The following CCDC33 variants were observed in gnomAD, a reference collection of about 807,000 sequenced individuals.
CCDC33 encodes the protein coiled-coil domain containing 33.
Under a neutral mutation model 91.9 loss-of-function variants are expected in CCDC33, and 94 were observed. The observed-to-expected ratio is 1.02, with a 90% CI of 0.87 to 1.21. The LOEUF (loss-of-function observed/expected upper bound fraction) is 1.21, where lower values mean the gene tolerates loss of function less well. Ranked by LOEUF, CCDC33 falls within the 50% of genes most tolerant of loss-of-function variation. The pLI is 0.00. For synonymous variants in CCDC33, 396 were observed against 374.5 expected (o/e 1.06, Z -0.66); for missense variants, 940 against 935.5 (o/e 1.00, Z -0.06).
rs751774872 is a variant in CCDC33 at position 74,335,048 on chromosome 15, G to T, written c.2099G>T (p.Gly700Val). The T allele has an allele frequency of 6.2e-7, 1 of 1,614,128 alleles. No individual in the cohort carries two copies. The highest frequency in any genetic ancestry group is 8.5e-7 in the Non-Finnish European group (1 of 1,180,012). Residue 700 changes from glycine (G) to valine (V), a missense_variant, in exon 18 of 19, where the codon GGT becomes GTT. Physicochemically the swap from Gly to Val is moderately radical, Grantham distance 109 (BLOSUM62 -3). Transcript: ENST00000398814. ...LATRLQEQEK[G>V]FRHPSNSIII... The stretch of plus-strand genomic sequence containing the variant: ...ACACGGCTGCAGGAGCAAGAAAAAG[G>T]TTTCAGGCACCCCTCGAACTCCATC...
chr15:74,215,587 A>G (rs1383787964), upstream of CCDC33, among the ~76,000 whole-genome samples: 1 of 152,166 alleles, frequency 6.6e-6, no homozygotes, highest in Non-Finnish European at 1.5e-5. Flanking sequence ...AAAAAAAAGT[A>G]CCTTCCCCAG....
At chr15:74,213,419 C>T (rs1160335501), upstream of CCDC33, 2 of 152,200 alleles carry the variant, frequency 1.3e-5, no homozygotes, top group Admixed American at 6.5e-5. Flanking sequence ...CCTTTTTGTC[C>T]AGTCATATCG....
rs201411382 is a variant in CCDC33, at chr15:74,332,733, T to A, written c.1826T>A (p.Leu609Gln). 1 of 1,614,230 alleles carries A rather than the reference T, an allele frequency of 6.2e-7. No individual in the cohort carries two copies. Among genetic ancestry groups the A allele is most frequent in the East Asian group, 2.2e-5 (1 of 44,886 alleles). ...CCCTTGGGTTCTATGGGAGAGAACCTGCCGGTTGAACTTTACTCGGTGCTG... is the reference window on the plus strand; with the variant it reads ...CCCTTGGGTTCTATGGGAGAGAACCAGCCGGTTGAACTTTACTCGGTGCTG... ...GLPLGSMGENLPVELYSVLLA... is the reference protein window; with the variant it reads ...GLPLGSMGENQPVELYSVLLA... Residue 609 changes from leucine (L) to glutamine (Q), a missense_variant, in exon 16 of 19, where the codon CTG (leucine) becomes CAG (glutamine). Transcript: ENST00000398814.
rs2076385819 is a variant in CCDC33, at chr15:74,273,878, TG to T, written c.759+989del. Among the ~76,000 whole-genome samples, 4 of 144,052 alleles carry T rather than the reference TG, an allele frequency of 2.8e-5. No homozygotes were observed. The South Asian group carries it at 8.8e-4, about 32-fold the overall frequency. 94.5% of individuals were successfully genotyped at this position (144,052 alleles called of 152,430 possible). On this transcript the variant is annotated intron_variant, in intron 7 of 18. Coordinates refer to ENST00000398814, the MANE Select transcript of CCDC33 (RefSeq NM_025055.5). ...AGAGTCTTGCTCTTGTTGCCCAGGC[TG>T]GAGTGCAGTGGCACCATCTTGGCTC... is the stretch of plus-strand genomic sequence containing the variant.
chr15:74,245,472 G>A (rs1226578990), intron 2 of CCDC33, among the ~76,000 whole-genome samples: 4 of 152,212 alleles, frequency 2.6e-5, no homozygotes, highest in Non-Finnish European at 5.9e-5. Context: ...TTTCTAGCGG[G>A]GAGCTCGCCT....
chr15:74,287,647 C>T (rs1378902400), intron 10 of CCDC33, among the ~76,000 whole-genome samples: 2 of 152,136 alleles, frequency 1.3e-5, no homozygotes, highest in African/African-American at 2.4e-5. Flanking sequence ...CATGGAGAAA[C>T]CCCGTCTTTA....
At chr15:74,330,401 C>T in intron 12 of CCDC33, 47 bp downstream of exon 12, 1 of 1,502,418 alleles carries the variant, frequency 6.7e-7, no homozygotes. Flanking sequence ...CTGCCTGGGC[C>T]CAGGCTCCAG....
intron 11 of CCDC33, among the ~76,000 whole-genome samples, chr15:74,297,045 C>T (rs112442456): frequency 1.2e-4 from 19 of 152,330 alleles, no homozygotes; most frequent in African/African-American, 4.6e-4. Context: ...CTCATCTTCC[C>T]CTGGCACTTC....
intron 11 of CCDC33, among the ~76,000 whole-genome samples, chr15:74,328,705 G>A (rs1017771532): frequency 2.0e-5 from 3 of 152,216 alleles, no homozygotes; most frequent in African/African-American, 7.2e-5. Context: ...GTGGGCCCCT[G>A]CTGCCAGGAG....
At position 74,240,803 on chromosome 15, in the gene CCDC33, G is replaced by A. The variant is rs1208277018; in HGVS notation, c.22-3182G>A. 3.3e-5 allele frequency among the ~76,000 whole-genome samples: 5 copies of A among 152,154 alleles called. No individual in the cohort carries two copies. The East Asian group carries it at 5.8e-4, about 18-fold the overall frequency. ...AGATGGGGTTTCACCATGTTGGCCCGGCTGGTCTCGATCTCCCAGCCTCCA... is the reference window on the plus strand; with the variant it reads ...AGATGGGGTTTCACCATGTTGGCCCAGCTGGTCTCGATCTCCCAGCCTCCA... On this transcript the variant is annotated intron_variant, in intron 1 of 18. Transcript: ENST00000398814.
intron 1 of CCDC33, among the ~76,000 whole-genome samples, chr15:74,239,589 C>T (rs187286988): frequency 8.3e-4 from 126 of 152,356 alleles, no homozygotes; most frequent in Non-Finnish European, 1.5e-3. Context: ...CTTCGGTGCT[C>T]ACAGCCCAGC....
intron 7 of CCDC33, among the ~76,000 whole-genome samples, chr15:74,274,695 G>A (rs1317115595): frequency 4.6e-5 from 7 of 152,214 alleles, no homozygotes; most frequent in Non-Finnish European, 4.4e-5. Context: ...GTCCCAAGGG[G>A]CAAGAGGCAC....
rs2075455086 is a variant in CCDC33 at position 74,244,480 on chromosome 15, T to C, written c.185+332T>C. On this transcript the variant is annotated intron_variant, in intron 2 of 18. Coordinates refer to ENST00000398814, the MANE Select transcript of CCDC33 (RefSeq NM_025055.5). This position sits in a 1 kb window ranked among gnomAD's most constrained non-coding sequence, Gnocchi z 4.2. ...TGGGCTCATGGGCATGATGGTCAGA[T>C]TGGGGAAGGGGAAGATTTGGGACCT... Among the ~76,000 whole-genome samples the C allele has an allele frequency of 6.6e-6, 1 of 152,042 alleles. No individual in the cohort carries two copies. Among genetic ancestry groups the C allele is most frequent in the South Asian group, 2.1e-4 (1 of 4,818 alleles).
At chr15:74,335,321 A>G in intron 18 of CCDC33, 1 of 608,026 alleles carries the variant, frequency 1.6e-6, no homozygotes, top group Non-Finnish European at 2.9e-6. Flanking sequence ...CCTTTCCCCC[A>G]TGGGGTGCTG....
intron 9 of CCDC33, 122 bp downstream of exon 9, chr15:74,280,923 G>GC: frequency 9.8e-7 from 1 of 1,015,920 alleles, no homozygotes. Flanking sequence ...TTCTGTCAAG[G>GC]CACCCACCAG....
intron 1 of CCDC33, chr15:74,209,318 C>T (rs1262553791): frequency 6.7e-7 from 1 of 1,488,360 alleles, no homozygotes; most frequent in South Asian, 1.2e-5. Context: ...CTGAGTTTCC[C>T]CAGATGTGGC....
intron 2 of CCDC33, among the ~76,000 whole-genome samples, chr15:74,246,175 T>G (rs530043915): frequency 6.6e-6 from 1 of 152,376 alleles, no homozygotes; most frequent in South Asian, 2.1e-4. Context: ...TTTAAAAATA[T>G]GTATTTGTGA....
chr15:74,279,823 C>A, intron 7 of CCDC33, 140 bp from the exon 8 acceptor site: 1 of 1,170,458 alleles, frequency 8.5e-7, no homozygotes, highest in Non-Finnish European at 1.2e-6. Flanking sequence ...AGGCGTGAGC[C>A]ACTGTGCCCA....
chr15:74,210,600 A>G (rs941146445), intron 2 of CCDC33, among the ~76,000 whole-genome samples: 1 of 152,222 alleles, frequency 6.6e-6, no homozygotes, highest in Admixed American at 6.5e-5. Context: ...AGGATTTTTC[A>G]CTTGTTTGAA....
Sources: allele counts gnomAD v4.1 joint callset (sites outside exome capture counted in the v4.1 genomes callset), GRCh38; gene constraint gnomAD v4.1.1; non-coding constraint Gnocchi (gnomAD v3.1); transcripts MANE v1.5; gene names NCBI Gene and HGNC (gene_info 2026-07-23, HGNC 2026-07-21).